Variants in USP8 observed in about 807,000 individuals in gnomAD.
The protein encoded by USP8 is ubiquitin carboxyl-terminal hydrolase 8.
In USP8, 27 loss-of-function variants were observed where a neutral mutation model predicts 130.0. The ratio of observed to expected loss-of-function variants is 0.21; its 90% CI spans 0.15 to 0.29. The LOEUF is 0.29. Among genes scored for constraint, USP8 ranks in the 10% least tolerant of loss-of-function variants. The probability of loss-of-function intolerance (pLI) is 1.00; values close to 1 mark genes in which losing one functional copy is unlikely to be tolerated. For missense variants in USP8, 1,029 were observed against 1,312.2 expected, an observed-to-expected ratio of 0.78 and a Z score of 3.33; for synonymous variants, 392 against 444.1, an observed-to-expected ratio of 0.88 and a Z score of 1.48.
chr15:50,490,181 G>T (rs2052105261), intron 13 of USP8, 82 bp from the exon 14 acceptor site: 2 of 1,368,816 alleles, frequency 1.5e-6, no homozygotes, highest in Non-Finnish European at 2.0e-6. Flanking sequence ...AAATTTAGCA[G>T]AATACTTTGG....
At chr15:50,450,594 C>T (rs2050600384) in intron 4 of USP8, among the ~76,000 whole-genome samples, 1 of 151,228 alleles carries the variant, frequency 6.6e-6, no homozygotes, top group African/African-American at 2.4e-5. Flanking sequence ...GCCTCAGCCT[C>T]CTGAGTAGCT....
intron 14 of USP8, among the ~76,000 whole-genome samples, chr15:50,491,365 G>C (rs1320734949): frequency 6.6e-6 from 1 of 152,116 alleles, no homozygotes; most frequent in South Asian, 2.1e-4. Flanking sequence ...ACCCTGCCAG[G>C]TGCAGACTTA....
intron 1 of USP8, among the ~76,000 whole-genome samples, chr15:50,427,892 C>T (rs939520938): frequency 6.6e-6 from 1 of 151,452 alleles, no homozygotes; most frequent in African/African-American, 2.4e-5. Context: ...AGGTCTTGCT[C>T]TGTCACCCAG....
rs2052719163 is a variant in USP8, at chr15:50,510,195, T to C, written c.*11107T>C. 1.3e-5 allele frequency: 2 copies of C among 152,342 alleles called. No individual in the cohort carries two copies. The highest frequency in any genetic ancestry group is 6.5e-5 in the Admixed American group (1 of 15,302). 9.4% of individuals were successfully genotyped at this position (152,342 alleles called of 1,614,324 possible). On this transcript the variant is annotated 3_prime_UTR_variant, in exon 20 of 20. Coordinates refer to ENST00000307179, the MANE Select transcript of USP8 (RefSeq NM_005154.5). The stretch of plus-strand genomic sequence containing the variant: ...AAGAAGAGGCTGAGACATTTGGTTA[T>C]TCATATGCAGAAAAATGAAATTGAA...
rs2052588347 is a variant in USP8 at position 50,501,515 on chromosome 15, T to A, written c.*2427T>A. ...TTACGTAAGATGGCTTCTTTTTTTT[T>A]TTTTTAAAGTTAGGATAAGCCACAG... On this transcript the variant is annotated 3_prime_UTR_variant, in exon 20 of 20. Coordinates refer to ENST00000307179, the MANE Select transcript of USP8 (RefSeq NM_005154.5). The A allele has an allele frequency of 6.6e-6, 1 of 151,888 alleles. No individual in the cohort carries two copies. Among genetic ancestry groups the A allele is most frequent in the Non-Finnish European group, 1.5e-5 (1 of 68,000 alleles). The allele number at this position is 151,888 out of a possible 1,614,324, so 9.4% of individuals were successfully genotyped here. A position where few individuals can be genotyped will look rare whatever the true frequency, so the allele number is the denominator to read the frequency against.
chr15:50,453,071 A>C (rs1019475910), intron 4 of USP8, among the ~76,000 whole-genome samples: 2 of 152,208 alleles, frequency 1.3e-5, no homozygotes, highest in Admixed American at 6.6e-5. Context: ...CATGCTTGCT[A>C]TTCTGTGACC....
intron 5 of USP8, among the ~76,000 whole-genome samples, chr15:50,460,885 G>C (rs1407025424): frequency 1.3e-5 from 2 of 152,058 alleles, no homozygotes; most frequent in Non-Finnish European, 2.9e-5. Flanking sequence ...GGCTGGGTGT[G>C]GTGGCTCACA....
intron 10 of USP8, among the ~76,000 whole-genome samples, chr15:50,479,962 T>C (rs1303063770): frequency 1.3e-5 from 2 of 152,140 alleles, no homozygotes; most frequent in Non-Finnish European, 2.9e-5. Context: ...GGTTTTGCCA[T>C]GTTGCCCAGG....
rs2141347989 is a variant in USP8, at chr15:50,508,251, T to A, written c.*9163T>A. The A allele has an allele frequency of 6.6e-6, 1 of 152,122 alleles. No individual in the cohort carries two copies. The highest frequency in any genetic ancestry group is 2.1e-4 in the South Asian group (1 of 4,822). The allele number at this position is 152,122 out of a possible 1,614,324, so 9.4% of individuals were successfully genotyped here. On this transcript the variant is annotated 3_prime_UTR_variant, in exon 20 of 20. Coordinates refer to ENST00000307179, the MANE Select transcript of USP8 (RefSeq NM_005154.5). ...TAAAAGTAAAACACTTAGAAGTAAA[T>A]AGTAATGAAAATACTATATCAAAAC... is the stretch of plus-strand genomic sequence containing the variant.
chr15:50,485,962 G>A (rs541497340), intron 12 of USP8, among the ~76,000 whole-genome samples: 1 of 152,168 alleles, frequency 6.6e-6, no homozygotes, highest in East Asian at 1.9e-4. Context: ...ATAAAAGCCT[G>A]CACATGTTCA....
At chr15:50,480,139 T>TA (rs2141302537) in intron 10 of USP8, among the ~76,000 whole-genome samples, 1 of 152,340 alleles carries the variant, frequency 6.6e-6, no homozygotes, top group African/African-American at 2.4e-5. Context: ...CACATGTTCT[T>TA]ATAAGTTTTT....
Position 50,509,172 on chromosome 15 carries a change from A to T in USP8, c.*10084A>T, listed in dbSNP as rs1276726873. 1 of 144,410 alleles carries T rather than the reference A, an allele frequency of 6.9e-6. No homozygotes were observed. The highest frequency in any genetic ancestry group is 1.5e-5 in the Non-Finnish European group (1 of 66,290). The allele number at this position is 144,410 out of a possible 1,614,324, so 8.9% of individuals were successfully genotyped here. A position where few individuals can be genotyped will look rare whatever the true frequency, so the allele number is the denominator to read the frequency against. On this transcript the variant is annotated 3_prime_UTR_variant, in exon 20 of 20. Coordinates refer to ENST00000307179, the MANE Select transcript of USP8 (RefSeq NM_005154.5). ...AAAAAAAAAAAAAAATTACAAAATT[A>T]GCTGGACATGGTGTTGTGCCTGTAG...
chr15:50,506,262 C>T lies in USP8; in HGVS notation c.*7174C>T, dbSNP rs549783415. On this transcript the variant is annotated 3_prime_UTR_variant, in exon 20 of 20. Transcript: ENST00000307179. ...CTGACCTGTTCAGGACCTGGCTGCA[C>T]AGCAGGAAGCGAGCGGCAAACCTAC... is the stretch of plus-strand genomic sequence containing the variant. 1 of 152,286 alleles carries T rather than the reference C, an allele frequency of 6.6e-6. No individual in the cohort carries two copies. Among genetic ancestry groups the T allele is most frequent in the Non-Finnish European group, 1.5e-5 (1 of 68,114 alleles). The allele number at this position is 152,286 out of a possible 1,614,324, so 9.4% of individuals were successfully genotyped here.
intron 5 of USP8, 26 bp downstream of exon 5, chr15:50,459,188 A>G (rs1321331266): frequency 6.3e-7 from 1 of 1,589,720 alleles, no homozygotes; most frequent in Non-Finnish European, 8.5e-7. Context: ...TGTGTGAGTT[A>G]AAAGACTGTT....
At position 50,495,834 on chromosome 15, in the gene USP8, CATTTT is replaced by C. The variant is rs1365445399; in HGVS notation, c.2659-9_2659-5del. 1.3e-6 allele frequency: 2 copies of C among 1,587,090 alleles called. No individual in the cohort carries two copies. Among genetic ancestry groups the C allele is most frequent in the African/African-American group, 2.7e-5 (2 of 73,998 alleles). ...TGAGATATTAATATAGAGCTTAAAT[CATTTT>C]ATTTCCAGGCTGATAATCGGAAGAG... On this transcript the variant is annotated splice_polypyrimidine_tract_variant and intron_variant, in intron 16 of 19. Coordinates refer to ENST00000307179, the MANE Select transcript of USP8 (RefSeq NM_005154.5).
At chr15:50,456,657 G>T (rs1275553012) in intron 4 of USP8, among the ~76,000 whole-genome samples, 1 of 152,084 alleles carries the variant, frequency 6.6e-6, no homozygotes, top group Non-Finnish European at 1.5e-5. Context: ...AGGCCGACGA[G>T]GGTGGATCAC....
At chr15:50,434,927 A>G (rs1303740706) in intron 1 of USP8, among the ~76,000 whole-genome samples, 1 of 152,200 alleles carries the variant, frequency 6.6e-6, no homozygotes, top group Non-Finnish European at 1.5e-5. Context: ...GCCACATAAG[A>G]TAATTTCAAT....
At chr15:50,433,107 G>A (rs2049980824) in intron 1 of USP8, among the ~76,000 whole-genome samples, 1 of 152,084 alleles carries the variant, frequency 6.6e-6, no homozygotes, top group Non-Finnish European at 1.5e-5. Flanking sequence ...GGGGCATGGT[G>A]GCGGGGCGCC....
At position 50,465,136 on chromosome 15, in the gene USP8, C is replaced by A. The variant is rs1244464615; in HGVS notation, c.631C>A (p.Gln211Lys). The A allele has an allele frequency of 6.2e-7, 1 of 1,613,942 alleles. No homozygotes were observed. Among genetic ancestry groups the A allele is most frequent in the East Asian group, 2.2e-5 (1 of 44,854 alleles). Residue 211 changes from glutamine (Q) to lysine (K), a missense_variant, in exon 7 of 20, where the codon CAG becomes AAG. Around this residue, in one of 4 missense-constraint regions of USP8, gnomAD observed 281 missense variants for 336.7 expected, o/e 0.83. Transcript: ENST00000307179. Reference protein sequence around the residue: ...IMDARRMQDYQDSCILHSLSV... With the variant: ...IMDARRMQDYKDSCILHSLSV... ...GGATGCTCGAAGAATGCAGGATTAT[C>A]AGGATTCCTGTATTTTACATTCTCT...
Sources: allele counts gnomAD v4.1 joint callset (sites outside exome capture counted in the v4.1 genomes callset), GRCh38; gene constraint gnomAD v4.1.1; regional missense constraint gnomAD v4.1.1; transcripts MANE v1.5; gene names NCBI Gene and HGNC (gene_info 2026-07-23, HGNC 2026-07-21).